GRIK2: variants seen among roughly 807,000 people sequenced by gnomAD.
GRIK2 encodes the protein glutamate ionotropic receptor kainate type subunit 2.
In GRIK2, 32 loss-of-function variants were observed where a neutral mutation model predicts 100.3. The observed-to-expected ratio is 0.32, with a 90% CI of 0.24 to 0.43. The LOEUF (loss-of-function observed/expected upper bound fraction) is 0.43, where lower values mean the gene tolerates loss of function less well. Among genes scored for constraint, GRIK2 ranks in the 20% least tolerant of loss-of-function variants. The pLI, the probability that GRIK2 is intolerant of heterozygous loss-of-function variation, is 1.00. For missense variants in GRIK2, 843 were observed against 1,114.9 expected (o/e 0.76, Z 3.47); for synonymous variants, 417 against 389.4 (o/e 1.07, Z -0.83).
chr6:101,744,558 A>ATATATATATATATATATATATAATC (rs751011648), intron 7 of GRIK2: 1 of 115,046 alleles, frequency 8.7e-6, no homozygotes, highest in African/African-American at 3.7e-5. Context: ...ATATATATAT[A>ATATATATATATATATATATATAATC]TCACAATTTC....
intron 12 of GRIK2, among the ~76,000 whole-genome samples, chr6:101,909,616 C>T (rs2518186): frequency 0.94 from 141,935 of 150,634 alleles, 66,893 homozygotes; most frequent in Middle Eastern, 0.97. Context: ...AGTAAAGCTC[C>T]TCAAATGAAT....
intron 6 of GRIK2, 112 bp from the exon 7 acceptor site, chr6:101,686,068 A>T: frequency 1.5e-6 from 1 of 659,756 alleles, no homozygotes; most frequent in South Asian, 2.1e-5. Context: ...ACGTCACTTG[A>T]CACAAAGGTG....
chr6:102,061,426 A>G (rs1475231406), intron 16 of GRIK2, among the ~76,000 whole-genome samples: 1 of 150,494 alleles, frequency 6.6e-6, no homozygotes, highest in Non-Finnish European at 1.5e-5. Context: ...ACAGTGTTTC[A>G]ACCATATCAA....
intron 7 of GRIK2, among the ~76,000 whole-genome samples, chr6:101,731,472 T>G (rs190702577): frequency 6.6e-6 from 1 of 152,000 alleles, no homozygotes; most frequent in Non-Finnish European, 1.5e-5. Flanking sequence ...AATAAAAACC[T>G]GGAGAATCAA....
intron 16 of GRIK2, among the ~76,000 whole-genome samples, chr6:102,064,767 T>A (rs17788820): frequency 0.028 from 4,201 of 151,254 alleles, 85 homozygotes; most frequent in South Asian, 0.06. Flanking sequence ...AATCAAGATA[T>A]GGAATTTGCC....
At chr6:101,709,822 C>T (rs1410049619) in intron 7 of GRIK2, among the ~76,000 whole-genome samples, 1 of 151,724 alleles carries the variant, frequency 6.6e-6, no homozygotes, top group Non-Finnish European at 1.5e-5. Flanking sequence ...TCTTATCTCT[C>T]AGCTTCAGGG....
intron 10 of GRIK2, among the ~76,000 whole-genome samples, chr6:101,858,553 A>AT (rs145049489): frequency 0.11 from 16,274 of 150,380 alleles, 2,444 homozygotes; most frequent in African/African-American, 0.34. Flanking sequence ...CGCCCAGCTA[A>AT]TTTTTTTTGT....
chr6:101,962,248 G>T (rs1440543521), intron 14 of GRIK2, among the ~76,000 whole-genome samples: 1 of 151,564 alleles, frequency 6.6e-6, no homozygotes, highest in Non-Finnish European at 1.5e-5. Context: ...TCTTCCCTCG[G>T]TATTCCACTC....
At chr6:101,447,060 T>A (rs9498591) in intron 2 of GRIK2, among the ~76,000 whole-genome samples, 4,131 of 148,806 alleles carry the variant, frequency 0.028, 214 homozygotes, top group African/African-American at 0.096. Context: ...TGTTTGTGTA[T>A]ATATATATTA....
At chr6:101,669,379 G>A (rs9485529) in intron 4 of GRIK2, among the ~76,000 whole-genome samples, 20 of 152,140 alleles carry the variant, frequency 1.3e-4, no homozygotes, top group East Asian at 3.9e-4. Flanking sequence ...AAATCAAAGC[G>A]TCCATTGATT....
intron 2 of GRIK2, among the ~76,000 whole-genome samples, chr6:101,503,255 A>G (rs1773857818): frequency 6.6e-6 from 1 of 152,190 alleles, no homozygotes; most frequent in African/African-American, 2.4e-5. Flanking sequence ...GATAACAGTT[A>G]CAATGGAGTT....
At chr6:101,862,253 G>A (rs1203313324) in intron 11 of GRIK2, among the ~76,000 whole-genome samples, 3 of 152,054 alleles carry the variant, frequency 2.0e-5, no homozygotes, top group African/African-American at 7.2e-5. Flanking sequence ...CTCTCCTAGT[G>A]ATCATCGATT....
intron 2 of GRIK2, among the ~76,000 whole-genome samples, chr6:101,452,927 T>C (rs1306927008): frequency 6.6e-6 from 1 of 151,866 alleles, no homozygotes; most frequent in African/African-American, 2.4e-5. Flanking sequence ...TTAATGGCAA[T>C]ACAATAAAAT....
At chr6:101,486,178 GAAC>G (rs1772815978) in intron 2 of GRIK2, among the ~76,000 whole-genome samples, 1 of 151,982 alleles carries the variant, frequency 6.6e-6, no homozygotes, top group African/African-American at 2.4e-5. Context: ...TATTTAACAA[GAAC>G]AACTTAAGTA....
chr6:101,897,051 C>T (rs994683679), intron 12 of GRIK2, among the ~76,000 whole-genome samples: 1 of 151,018 alleles, frequency 6.6e-6, no homozygotes. Flanking sequence ...CACATGCACA[C>T]ACATCTGATA....
intron 4 of GRIK2, among the ~76,000 whole-genome samples, chr6:101,629,496 G>A (rs1383932746): frequency 6.6e-6 from 1 of 152,002 alleles, no homozygotes; most frequent in Non-Finnish European, 1.5e-5. Context: ...CCTATTGAGG[G>A]ACATGTAATA....
intron 14 of GRIK2, among the ~76,000 whole-genome samples, chr6:102,027,745 G>T (rs1389620899): frequency 1.3e-5 from 2 of 151,008 alleles, no homozygotes; most frequent in African/African-American, 4.8e-5. Flanking sequence ...ATAAAAGCAA[G>T]TTCAATGAGC....
rs558650558 is a variant in GRIK2 at position 101,767,265 on chromosome 6, C to G, written c.952-32383C>G. 3.3e-5 allele frequency among the ~76,000 whole-genome samples: 5 copies of G among 152,140 alleles called. No individual in the cohort carries two copies. The South Asian group carries it at 8.3e-4, about 25-fold the overall frequency. The stretch of plus-strand genomic sequence containing the variant: ...TTTAGTTATTTAATTTTCTTCCAAA[C>G]AGTAATCAATTCACCTTTTTTTCTC... On this transcript the variant is annotated intron_variant, in intron 7 of 16. Transcript: ENST00000369134.
intron 12 of GRIK2, among the ~76,000 whole-genome samples, chr6:101,898,702 C>CT (rs1787643377): frequency 6.6e-6 from 1 of 151,784 alleles, no homozygotes; most frequent in South Asian, 2.1e-4. Flanking sequence ...AATGCTAACA[C>CT]TTTTTCCCTG....
Sources: gnomAD v4.1 joint callset for allele counts (sites outside exome capture counted in the v4.1 genomes callset) on GRCh38, gnomAD v4.1.1 for gene constraint, MANE v1.5 for transcripts, NCBI Gene and HGNC (gene_info 2026-07-23, HGNC 2026-07-21) for gene names.